The following DLG3 variants were observed in gnomAD, a reference collection of about 807,000 sequenced individuals.
DLG3 encodes disks large homolog 3.
Under a neutral mutation model 64.1 loss-of-function variants are expected in DLG3, and 1 was observed. The ratio of observed to expected loss-of-function variants is 0.02; its 90% CI spans 0.01 to 0.07. The LOEUF (loss-of-function observed/expected upper bound fraction) is 0.07, where lower values mean the gene tolerates loss of function less well. DLG3 is among the 10% of genes least tolerant of loss of function. The pLI is 1.00. For missense variants in DLG3, 429 were observed against 669.5 expected (o/e 0.64, Z 3.96); for synonymous variants, 245 against 259.8 (o/e 0.94, Z 0.55).
At chrX:70,483,720 A>G (rs2087207019) in intron 10 of DLG3, among the ~76,000 whole-genome samples, 1 of 112,745 alleles carries the variant, frequency 8.9e-6, no homozygotes, top group Non-Finnish European at 1.9e-5. Flanking sequence ...AGCAGGGAGC[A>G]GGAGGAAGAA....
intron 7 of DLG3, chrX:70,452,728 G>T (rs1479154034): frequency 8.4e-7 from 1 of 1,195,643 alleles, no homozygotes; most frequent in Admixed American, 2.2e-5. Flanking sequence ...TGGCCGCTCC[G>T]CTCCCTGCGG....
At chrX:70,469,697 C>T (rs2086939503) in intron 9 of DLG3, among the ~76,000 whole-genome samples, 2 of 111,658 alleles carry the variant, frequency 1.8e-5, no homozygotes, top group South Asian at 7.6e-4. Flanking sequence ...ATCCACCTGG[C>T]TCAGCCTCCC....
chrX:70,447,815 T>G (rs2086582870), intron 1 of DLG3, among the ~76,000 whole-genome samples: 1 of 112,107 alleles, frequency 8.9e-6, no homozygotes, highest in Admixed American at 9.4e-5. Context: ...GACAAATAGA[T>G]ACACACATGT....
chrX:70,450,695 G>A lies in DLG3; in HGVS notation c.897G>A (p.Lys299=). ...ACGAGGAAGCTGTGGCCTCACTGAAGAACACATCTGATATGGTGTATTTGA... is the reference window on the plus strand; with the variant it reads ...ACGAGGAAGCTGTGGCCTCACTGAAAAACACATCTGATATGGTGTATTTGA... ...VRHEEAVASL[K]NTSDMVYLKV... Residue 299 remains lysine (K), a synonymous_variant, in exon 6 of 19, where the codon AAG becomes AAA. Coordinates refer to ENST00000374360, the MANE Select transcript of DLG3 (RefSeq NM_021120.4). 8.3e-7 allele frequency: 1 copy of A among 1,211,334 alleles called. No homozygotes were observed. The highest frequency in any genetic ancestry group is 1.8e-5 in the South Asian group (1 of 56,898).
intron 9 of DLG3, among the ~76,000 whole-genome samples, chrX:70,463,177 C>T (rs1305737457): frequency 9.0e-6 from 1 of 111,436 alleles, no homozygotes; most frequent in African/African-American, 3.3e-5. Flanking sequence ...GACGGAGTTT[C>T]ACTCTTGTTG....
intron 18 of DLG3, 94 bp from the exon 19 acceptor site, chrX:70,502,069 G>C (rs2147896540): frequency 1.5e-6 from 1 of 661,674 alleles, no homozygotes; most frequent in Admixed American, 2.6e-5. Context: ...GGGTGGAGGG[G>C]GGACTTGTAG....
intron 18 of DLG3, among the ~76,000 whole-genome samples, chrX:70,501,397 G>GTGTC (rs200567686): frequency 1.2e-4 from 12 of 97,292 alleles, no homozygotes; most frequent in Non-Finnish European, 1.8e-4. Flanking sequence ...GTCTGTTGGG[G>GTGTC]TGTCTGTCTG....
chrX:70,476,990 G>T (rs777667059), intron 9 of DLG3, among the ~76,000 whole-genome samples: 56 of 113,045 alleles, frequency 5.0e-4, no homozygotes, highest in Non-Finnish European at 9.0e-4. Context: ...AACAAAAAGC[G>T]TATGCCTTAG....
rs1428538561 is a variant in DLG3, at chrX:70,458,842, ATTAG to A, written c.1405+4527_1405+4530del. Among the ~76,000 whole-genome samples, 312 of 112,796 alleles carry A rather than the reference ATTAG, an allele frequency of 2.8e-3. 3 individuals carry two copies. Among genetic ancestry groups the A allele is most frequent in the African/African-American group, 9.3e-3 (289 of 31,151 alleles). ...GGTTATGGACACAGCAATCCTACCT[ATTAG>A]CTAAAAATAGCATGATGTTCTTGGA... On this transcript the variant is annotated intron_variant, in intron 9 of 18. Coordinates refer to ENST00000374360, the MANE Select transcript of DLG3 (RefSeq NM_021120.4).
intron 1 of DLG3, 158 bp from the exon 2 acceptor site, chrX:70,448,755 C>T: frequency 1.0e-6 from 1 of 962,467 alleles, no homozygotes; most frequent in Non-Finnish European, 1.5e-6. Flanking sequence ...GGAGCGGCCT[C>T]TTCCAGGTCA....
chrX:70,456,709 C>T (rs2086714148), intron 9 of DLG3, among the ~76,000 whole-genome samples: 1 of 111,012 alleles, frequency 9.0e-6, no homozygotes, highest in South Asian at 3.8e-4. Context: ...CTTACTTCCT[C>T]CTTTGGTTTG....
chrX:70,502,248 C>T lies in DLG3; in HGVS notation c.2433C>T (p.Val811=). Residue 811 remains valine (V), a synonymous_variant, in exon 19 of 19, where the codon GTC becomes GTT. Coordinates refer to ENST00000374360, the MANE Select transcript of DLG3 (RefSeq NM_021120.4). ...ACCAGTCTGGGCACTACATTTGGGT[C>T]CCATCCCCTGAAAAACTCTGAAGAA... is the stretch of plus-strand genomic sequence containing the variant. ...IEDQSGHYIW[V]PSPEKL is the part of the protein sequence containing the mutation. 1 of 1,203,826 alleles carries T rather than the reference C, an allele frequency of 8.3e-7. No homozygotes were observed. The highest frequency in any genetic ancestry group is 1.1e-6 in the Non-Finnish European group (1 of 889,072).
intron 9 of DLG3, among the ~76,000 whole-genome samples, chrX:70,478,401 G>A (rs774780900): frequency 1.8e-4 from 20 of 111,597 alleles, no homozygotes; most frequent in Non-Finnish European, 2.8e-4. Flanking sequence ...GGGCTATAAG[G>A]TTAGGGATGG....
At position 70,449,347 on chromosome X, in the gene DLG3, C is replaced by T; in HGVS notation, c.409-12C>T. The T allele has an allele frequency of 8.3e-7, 1 of 1,211,556 alleles. No individual in the cohort carries two copies. Reference sequence around the variant, plus strand: ...GAGTGAACAGACTGTGCCTTTCCACCCACTTCTGCAGGGCAACTCTGGCCT... The same window carrying T: ...GAGTGAACAGACTGTGCCTTTCCACTCACTTCTGCAGGGCAACTCTGGCCT... On this transcript the variant is annotated splice_polypyrimidine_tract_variant and intron_variant, in intron 2 of 18. Transcript: ENST00000374360.
intron 10 of DLG3, among the ~76,000 whole-genome samples, chrX:70,489,923 C>T (rs1050455644): frequency 3.6e-4 from 40 of 110,897 alleles, no homozygotes; most frequent in Non-Finnish European, 5.3e-4. Context: ...AGTGCAGTGG[C>T]GCAATCTCGG....
chrX:70,494,352 C>T (rs2087414769), intron 12 of DLG3, among the ~76,000 whole-genome samples: 1 of 112,243 alleles, frequency 8.9e-6, no homozygotes, highest in Admixed American at 9.4e-5. Flanking sequence ...ACCAGTGACT[C>T]CTCTGTCTTA....
chrX:70,502,053 G>A, intron 18 of DLG3, 110 bp from the exon 19 acceptor site: 1 of 582,704 alleles, frequency 1.7e-6, no homozygotes, highest in Admixed American at 2.7e-5. Context: ...CATGTGAGGG[G>A]TGAGGGGGTG....
chrX:70,462,614 G>A (rs767661261), intron 9 of DLG3, among the ~76,000 whole-genome samples: 1 of 111,811 alleles, frequency 8.9e-6, no homozygotes, highest in Non-Finnish European at 1.9e-5. Context: ...GCCACATTTT[G>A]TCTATCCATT....
intron 12 of DLG3, 62 bp downstream of exon 12, chrX:70,492,658 T>C: frequency 9.9e-7 from 1 of 1,010,696 alleles, no homozygotes; most frequent in East Asian, 3.0e-5. Flanking sequence ...GCCTGGAGTT[T>C]AGTCTGATGT....
Sources: gnomAD v4.1 joint callset for allele counts (sites outside exome capture counted in the v4.1 genomes callset) on GRCh38, gnomAD v4.1.1 for gene constraint, MANE v1.5 for transcripts, NCBI Gene and HGNC (gene_info 2026-07-23, HGNC 2026-07-21) for gene names.